The following DRD2 variants were observed in gnomAD, a reference collection of about 807,000 sequenced individuals.
The protein encoded by DRD2 is D(2) dopamine receptor.
DRD2 carries 8 observed loss-of-function variants against 38.0 expected under a neutral mutation model. That is an observed-to-expected ratio of 0.21 (90% CI 0.12 to 0.38). The LOEUF is 0.38. Ranked by LOEUF, DRD2 falls within the 10% of genes least tolerant of loss-of-function variation. The pLI is 1.00. For synonymous variants in DRD2, 230 were observed against 238.6 expected, an observed-to-expected ratio of 0.96 and a Z score of 0.33; for missense variants, 403 against 607.7, an observed-to-expected ratio of 0.66 and a Z score of 3.54.
chr11:113,415,896 G>A (rs1202526263), intron 4 of DRD2, among the ~76,000 whole-genome samples: 1 of 152,216 alleles, frequency 6.6e-6, no homozygotes, highest in Non-Finnish European at 1.5e-5. Context: ...GTTTTGCCAT[G>A]TCTGGGCATA....
intron 2 of DRD2, among the ~76,000 whole-genome samples, 167 bp from the exon 3 acceptor site, chr11:113,418,303 C>A (rs1209375292): frequency 6.6e-6 from 1 of 152,108 alleles, no homozygotes; most frequent in Non-Finnish European, 1.5e-5. Context: ...GTGTCTGAGG[C>A]CCTTGCCCCT....
intron 1 of DRD2, among the ~76,000 whole-genome samples, chr11:113,448,363 C>T (rs537489767): frequency 2.0e-5 from 3 of 152,232 alleles, no homozygotes; most frequent in Non-Finnish European, 2.9e-5. Context: ...CCCAGATGCA[C>T]GGTGGCTGAA....
intron 2 of DRD2, among the ~76,000 whole-genome samples, chr11:113,421,110 C>T (rs1950880312): frequency 6.6e-6 from 1 of 152,230 alleles, no homozygotes; most frequent in Non-Finnish European, 1.5e-5. Flanking sequence ...TCCATACCTC[C>T]AGCCAGCTAC....
intron 1 of DRD2, among the ~76,000 whole-genome samples, chr11:113,427,616 G>A (rs776862518): frequency 6.6e-6 from 1 of 152,122 alleles, no homozygotes; most frequent in Non-Finnish European, 1.5e-5. Context: ...TGAATCAAAG[G>A]CTCTGTTAGT....
intron 1 of DRD2, among the ~76,000 whole-genome samples, chr11:113,452,077 G>A (rs1461430670): frequency 1.3e-5 from 2 of 152,066 alleles, no homozygotes; most frequent in Admixed American, 6.5e-5. Context: ...AGGAAAGCCT[G>A]CACGCTTCTT....
chr11:113,467,664 G>T (rs934147084), intron 1 of DRD2, among the ~76,000 whole-genome samples: 7 of 152,198 alleles, frequency 4.6e-5, no homozygotes, highest in Non-Finnish European at 1.0e-4. Flanking sequence ...TGCCAATCAG[G>T]GAGGCTCCAA....
At chr11:113,453,026 C>T (rs1951231495) in intron 1 of DRD2, among the ~76,000 whole-genome samples, 2 of 152,092 alleles carry the variant, frequency 1.3e-5, no homozygotes, top group Non-Finnish European at 2.9e-5. Flanking sequence ...AGTTAGCAGG[C>T]CTGTATTTTA....
chr11:113,424,983 T>C (rs1318896894), intron 1 of DRD2: 4 of 385,224 alleles, frequency 1.0e-5, no homozygotes, highest in Non-Finnish European at 1.9e-5. Flanking sequence ...GCACGACCCA[T>C]GCACCACACA....
At chr11:113,457,508 C>G (rs1166857802) in intron 1 of DRD2, among the ~76,000 whole-genome samples, 1 of 152,166 alleles carries the variant, frequency 6.6e-6, no homozygotes, top group Non-Finnish European at 1.5e-5. Context: ...ACCGGCCTCA[C>G]TGGCTTCAAG....
rs766994759 is a variant in DRD2 at position 113,439,961 on chromosome 11, C to T, written c.-31-15279G>A. On this transcript the variant is annotated intron_variant, in intron 1 of 7. Coordinates refer to ENST00000362072, the MANE Select transcript of DRD2 (RefSeq NM_000795.4). ...AGAACCAGGATTGCAATTAAGGTCT[C>T]TAGACAGGTCCCCTGCTTTATCCTA... 6.1e-5 allele frequency among the ~76,000 whole-genome samples: 9 copies of T among 146,694 alleles called. 1 individual carries two copies. In the Admixed American group the frequency reaches 6.2e-4, roughly 10 times the overall value.
At chr11:113,455,146 A>C (rs1951257171) in intron 1 of DRD2, among the ~76,000 whole-genome samples, 1 of 152,138 alleles carries the variant, frequency 6.6e-6, no homozygotes, top group Non-Finnish European at 1.5e-5. Flanking sequence ...CAGGAGTTCG[A>C]GACCATCTTG....
intron 1 of DRD2, among the ~76,000 whole-genome samples, chr11:113,468,077 A>G (rs1279569091): frequency 2.0e-5 from 3 of 152,216 alleles, no homozygotes; most frequent in African/African-American, 7.2e-5. Flanking sequence ...ACATTTAAAG[A>G]GTACTCACTT....
intron 1 of DRD2, among the ~76,000 whole-genome samples, chr11:113,456,200 AT>A (rs1951267016): frequency 6.6e-6 from 1 of 152,256 alleles, no homozygotes; most frequent in Non-Finnish European, 1.5e-5. Flanking sequence ...ACAGAAAGAC[AT>A]TGTATGATCT....
chr11:113,417,447 C>T (rs2138166625), intron 3 of DRD2, among the ~76,000 whole-genome samples: 1 of 151,196 alleles, frequency 6.6e-6, no homozygotes, highest in East Asian at 1.9e-4. Context: ...AATCCTTCAT[C>T]ACATTTTTTT....
At position 113,466,385 on chromosome 11, in the gene DRD2, C is replaced by G. The variant is rs568328063; in HGVS notation, c.-32+8691G>C. 2.0e-5 allele frequency among the ~76,000 whole-genome samples: 3 copies of G among 152,276 alleles called. 1 individual carries two copies. The South Asian group carries it at 6.2e-4, about 32-fold the overall frequency. ...GCTCTTTTGTCTTCAGGTCCCCAGG[C>G]TGACCTGAACAAACACACCTGTGTA... On this transcript the variant is annotated intron_variant, in intron 1 of 7. Coordinates refer to ENST00000362072, the MANE Select transcript of DRD2 (RefSeq NM_000795.4).
intron 1 of DRD2, among the ~76,000 whole-genome samples, chr11:113,453,793 C>T (rs1031154320): frequency 6.6e-6 from 1 of 152,188 alleles, no homozygotes; most frequent in Non-Finnish European, 1.5e-5. Context: ...TAAAAGTCCC[C>T]TCCTTATTCC....
At chr11:113,463,233 C>T (rs1020219022) in intron 1 of DRD2, among the ~76,000 whole-genome samples, 11 of 152,162 alleles carry the variant, frequency 7.2e-5, no homozygotes, top group Non-Finnish European at 1.0e-4. Context: ...CAATTTTGAA[C>T]CCAGAAATGA....
At chr11:113,458,915 G>C (rs1951291683) in intron 1 of DRD2, among the ~76,000 whole-genome samples, 1 of 152,094 alleles carries the variant, frequency 6.6e-6, no homozygotes, top group Admixed American at 6.5e-5. Context: ...ATGGGGCAGG[G>C]GGAAATAAGA....
At chr11:113,419,531 C>T (rs1242435511) in intron 2 of DRD2, among the ~76,000 whole-genome samples, 1 of 150,210 alleles carries the variant, frequency 6.7e-6, no homozygotes. Context: ...GGCACACACT[C>T]ATGGCAGATT....
Sources: gnomAD v4.1 joint callset for allele counts (sites outside exome capture counted in the v4.1 genomes callset) on GRCh38, gnomAD v4.1.1 for gene constraint, MANE v1.5 for transcripts, NCBI Gene and HGNC (gene_info 2026-07-23, HGNC 2026-07-21) for gene names.